FN3K: variants seen among roughly 807,000 people sequenced by gnomAD.
FN3K encodes the protein fructosamine 3 kinase.
FN3K carries 24 observed loss-of-function variants against 24.8 expected under a neutral mutation model. The ratio of observed to expected loss-of-function variants is 0.97; its 90% CI spans 0.70 to 1.36. The LOEUF (loss-of-function observed/expected upper bound fraction) is 1.36. Among genes scored for constraint, FN3K ranks in the 40% most tolerant of loss-of-function variants. The probability of loss-of-function intolerance (pLI) is 0.00; values close to 1 mark genes in which losing one functional copy is unlikely to be tolerated. For missense variants in FN3K, 449 were observed against 416.7 expected, an observed-to-expected ratio of 1.08 and a Z score of -0.67; for synonymous variants, 192 against 175.2, an observed-to-expected ratio of 1.10 and a Z score of -0.76.
rs1158165810 is a variant in FN3K at position 82,738,567 on chromosome 17, A to G, written c.220A>G (p.Met74Val). ...GGGCCTGGTGCGGGTGCCGAGGCCC[A>G]TGAAGGTCATCGACCTGCCGGGAGG... is the stretch of plus-strand genomic sequence containing the variant. ...STGLVRVPRP[M>V]KVIDLPGGGA... Residue 74 changes from methionine to valine, a missense_variant, in exon 2 of 6, where the codon ATG becomes GTG. By Grantham distance (21) the Met-to-Val change is conservative. Coordinates refer to ENST00000300784, the MANE Select transcript of FN3K (RefSeq NM_022158.4). The G allele has an allele frequency of 1.2e-6, 2 of 1,613,154 alleles. No individual in the cohort carries two copies.
chr17:82,739,988 C>G (rs1183901202), intron 2 of FN3K, among the ~76,000 whole-genome samples: 1 of 152,144 alleles, frequency 6.6e-6, no homozygotes, highest in East Asian at 1.9e-4. Context: ...ACTGCAAGCT[C>G]TGCCTCTTGG....
intron 4 of FN3K, among the ~76,000 whole-genome samples, chr17:82,741,966 G>A (rs546786499): frequency 6.6e-6 from 1 of 152,210 alleles, no homozygotes; most frequent in East Asian, 1.9e-4. Flanking sequence ...GGAGTGCAAT[G>A]GCACGATCTC....
Position 82,750,839 on chromosome 17 carries a change from C to G in FN3K, c.*84C>G. 9.2e-7 allele frequency: 1 copy of G among 1,085,318 alleles called. No homozygotes were observed. The highest frequency in any genetic ancestry group is 1.5e-5 in the South Asian group (1 of 66,854). The allele number at this position is 1,085,318 out of a possible 1,614,324, so 67.2% of individuals were successfully genotyped here. On this transcript the variant is annotated 3_prime_UTR_variant, in exon 6 of 6. Transcript: ENST00000300784. ...CCCCCGTCCCCCGTCCCTGTGCCCC[C>G]GTCCCTGTCCCCCTGTTCCCGTCTC...
In FN3K at chr17:82,750,711, T is replaced by A. The variant is rs570782316; in HGVS notation, c.886T>A (p.Tyr296Asn). 1.4e-4 allele frequency: 230 copies of A among 1,613,504 alleles called. 5 individuals carry two copies. In the South Asian group the frequency reaches 2.2e-3, roughly 16 times the overall value. ...CCACTGGAACCACTTCGGGCGGGAGTACAGGAGCCCTTCCTTGGGCACCAT... is the reference window on the plus strand; with the variant it reads ...CCACTGGAACCACTTCGGGCGGGAGAACAGGAGCCCTTCCTTGGGCACCAT... ...LNHWNHFGRE[Y>N]RSPSLGTMRR... is the part of the protein sequence containing the mutation. Residue 296 changes from tyrosine (Y) to asparagine (N), a missense_variant, in exon 6 of 6, where the codon TAC becomes AAC. Transcript: ENST00000300784.
At chr17:82,741,512 A>G in intron 4 of FN3K, 119 bp downstream of exon 4, 1 of 952,492 alleles carries the variant, frequency 1.0e-6, no homozygotes, top group Non-Finnish European at 1.6e-6. Context: ...TTCTGAAAGC[A>G]GAGTAGAAGC....
rs1358265842 is a variant in FN3K, at chr17:82,740,797, T to C, written c.328T>C (p.Leu110=). 6.2e-7 allele frequency: 1 copy of C among 1,613,662 alleles called. No homozygotes were observed. Among genetic ancestry groups the C allele is most frequent in the Non-Finnish European group, 8.5e-7 (1 of 1,179,818 alleles). Residue 110 remains leucine (L), a synonymous_variant, in exon 3 of 6, where the codon TTG becomes CTG. Transcript: ENST00000300784. ...ASKLGEQMAD[L]HLYNQKLREK... ...AAAACTTGGAGAGCAGATGGCAGAT[T>C]TGCATCTTTACAACCAGAAGCTCAG...
intron 4 of FN3K, 126 bp from the exon 5 acceptor site, chr17:82,748,729 T>C: frequency 1.4e-6 from 2 of 1,452,908 alleles, no homozygotes; most frequent in Non-Finnish European, 1.9e-6. Context: ...GAGTATTTTA[T>C]GTTTCTGTCT....
At position 82,750,936 on chromosome 17, in the gene FN3K, C is replaced by T. The variant is rs1201131666; in HGVS notation, c.*181C>T. The stretch of plus-strand genomic sequence containing the variant: ...CGTCCCCCCGTCCCCGTCCCTCCAT[C>T]CCTGTCCCCCGTCCCCCTGTCCCCC... On this transcript the variant is annotated 3_prime_UTR_variant, in exon 6 of 6. Transcript: ENST00000300784. The T allele has an allele frequency of 3.1e-6, 1 of 324,214 alleles. No homozygotes were observed. Among genetic ancestry groups the T allele is most frequent in the South Asian group, 2.2e-5 (1 of 44,762 alleles). 20.1% of individuals were successfully genotyped at this position (324,214 alleles called of 1,614,324 possible).
At chr17:82,735,858 T>G in intron 1 of FN3K, 81 bp downstream of exon 1, 4 of 1,490,794 alleles carry the variant, frequency 2.7e-6, no homozygotes, top group Non-Finnish European at 3.6e-6. Flanking sequence ...CAGGCGCATT[T>G]CCTGGGGCTG....
intron 4 of FN3K, among the ~76,000 whole-genome samples, chr17:82,744,915 C>T (rs371151415): frequency 6.6e-6 from 1 of 152,238 alleles, no homozygotes; most frequent in African/African-American, 2.4e-5. Flanking sequence ...ACCTCCAGCC[C>T]AAGGCGGTTT....
intron 5 of FN3K, chr17:82,750,033 G>C: frequency 3.6e-6 from 1 of 277,698 alleles, no homozygotes; most frequent in Non-Finnish European, 7.0e-6. Context: ...ACTCCAGCCT[G>C]GGTGACAGAG....
In FN3K at chr17:82,750,810, TGTCCCCCCGTCCCC is replaced by T. The variant is rs1035188742; in HGVS notation, c.*56_*69del. On this transcript the variant is annotated 3_prime_UTR_variant, in exon 6 of 6. Coordinates refer to ENST00000300784, the MANE Select transcript of FN3K (RefSeq NM_022158.4). ...GTCCCCGTCTCCGTCTCCCCGTCCC[TGTCCCCCCGTCCCC>T]CGTCCCTGTGCCCCCGTCCCTGTCC... The T allele has an allele frequency of 7.5e-6, 9 of 1,203,144 alleles. No homozygotes were observed. In the African/African-American group the frequency reaches 1.9e-4, roughly 25 times the overall value. 74.5% of individuals were successfully genotyped at this position (1,203,144 alleles called of 1,614,324 possible).
intron 4 of FN3K, among the ~76,000 whole-genome samples, chr17:82,741,794 A>G (rs2046942357): frequency 6.6e-6 from 1 of 152,262 alleles, no homozygotes; most frequent in African/African-American, 2.4e-5. Context: ...TTGAAATATA[A>G]TTCACATAAG....
In FN3K at chr17:82,740,846, A is replaced by G. The variant is rs778678575; in HGVS notation, c.377A>G (p.Asn126Ser). The part of the protein sequence containing the change: ...KLREKLKEEE[N>S]TVGRRGEGAE... ...AGGGAGAAGTTGAAGGAGGAGGAGA[A>G]CACAGTGGGTATGTTCAGATTGCTT... Residue 126 changes from asparagine (N) to serine (S), a missense_variant, in exon 3 of 6, where the codon AAC (asparagine) becomes AGC (serine). Transcript: ENST00000300784. 1.2e-6 allele frequency: 2 copies of G among 1,612,202 alleles called. No individual in the cohort carries two copies. Among genetic ancestry groups the G allele is most frequent in the Admixed American group, 1.7e-5 (1 of 59,982 alleles).
intron 5 of FN3K, 74 bp from the exon 6 acceptor site, chr17:82,750,343 C>G: frequency 7.3e-7 from 1 of 1,373,698 alleles, no homozygotes; most frequent in South Asian, 1.2e-5. Context: ...TGGGCTTTGC[C>G]TTATTTCCAA....
intron 5 of FN3K, among the ~76,000 whole-genome samples, chr17:82,750,101 T>C (rs887551497): frequency 1.3e-5 from 2 of 149,020 alleles, no homozygotes; most frequent in Non-Finnish European, 3.0e-5. Flanking sequence ...CAGACATATA[T>C]GTGTAGCGAA....
chr17:82,741,687 CAGTG>C (rs1436131500), intron 4 of FN3K, among the ~76,000 whole-genome samples: 2 of 152,070 alleles, frequency 1.3e-5, no homozygotes, highest in African/African-American at 4.8e-5. Flanking sequence ...GGACTGGAGA[CAGTG>C]GGTGATGGGT....
intron 4 of FN3K, among the ~76,000 whole-genome samples, chr17:82,744,763 G>A (rs1365246727): frequency 6.6e-6 from 1 of 152,180 alleles, no homozygotes; most frequent in Non-Finnish European, 1.5e-5. Context: ...AGACAATAGT[G>A]GGGAGAGGGT....
chr17:82,744,387 A>G (rs1303074534), intron 4 of FN3K, among the ~76,000 whole-genome samples: 1 of 152,206 alleles, frequency 6.6e-6, no homozygotes, highest in Non-Finnish European at 1.5e-5. Context: ...CAAGGTGAGT[A>G]TACTGATTAC....
Sources: gnomAD v4.1 joint callset for allele counts (sites outside exome capture counted in the v4.1 genomes callset) on GRCh38, gnomAD v4.1.1 for gene constraint, MANE v1.5 for transcripts, NCBI Gene and HGNC (gene_info 2026-07-23, HGNC 2026-07-21) for gene names.